Variants in OSBPL9 observed in about 807,000 individuals in gnomAD.
The protein encoded by OSBPL9 is oxysterol binding protein like 9, also known as oxysterol-binding protein-related protein 9.
In OSBPL9, 40 loss-of-function variants were observed where a neutral mutation model predicts 106.6. That is an observed-to-expected ratio of 0.38 (90% confidence interval 0.29 to 0.49). The LOEUF (loss-of-function observed/expected upper bound fraction) is 0.49. Ranked by LOEUF, OSBPL9 falls within the 20% of genes least tolerant of loss-of-function variation. The pLI, the probability that OSBPL9 is intolerant of heterozygous loss-of-function variation, is 0.97. For missense variants in OSBPL9, 609 were observed against 887.2 expected, an observed-to-expected ratio of 0.69 and a Z score of 3.98; for synonymous variants, 269 against 295.4, an observed-to-expected ratio of 0.91 and a Z score of 0.92.
At chr1:51,696,652 C>T (rs1201271282) in intron 3 of OSBPL9, among the ~76,000 whole-genome samples, 1 of 152,134 alleles carries the variant, frequency 6.6e-6, no homozygotes, top group Non-Finnish European at 1.5e-5. Flanking sequence ...CAAGCACATA[C>T]AAAACTGCCA....
intron 1 of OSBPL9, among the ~76,000 whole-genome samples, chr1:51,624,419 C>A (rs1644642152): frequency 6.6e-6 from 1 of 151,828 alleles, no homozygotes; most frequent in Admixed American, 6.6e-5. Flanking sequence ...AAAACCCCGT[C>A]TGTACTAAAA....
chr1:51,787,556 G>A lies in OSBPL9; in HGVS notation c.2136+68G>A. The stretch of plus-strand genomic sequence containing the variant: ...ATTTATTTCAGTGAATGTTGAAGAA[G>A]TGATGTGCCAAACACTGTTTATAAA... On this transcript the variant is annotated intron_variant, in intron 23 of 23. Coordinates refer to ENST00000428468, the MANE Select transcript of OSBPL9 (RefSeq NM_024586.6). The A allele has an allele frequency of 3.7e-6, 6 of 1,608,034 alleles. No individual in the cohort carries two copies. The South Asian group carries it at 4.4e-5, about 12-fold the overall frequency.
At chr1:51,748,478 TTGA>T in intron 7 of OSBPL9, 80 bp downstream of exon 7, 2 of 1,333,156 alleles carry the variant, frequency 1.5e-6, no homozygotes, top group Non-Finnish European at 2.0e-6. Flanking sequence ...GCTGCCACTA[TTGA>T]TGACAGCAAT....
At chr1:51,783,082 T>C (rs1244925005) in intron 17 of OSBPL9, among the ~76,000 whole-genome samples, 1 of 152,228 alleles carries the variant, frequency 6.6e-6, no homozygotes, top group Non-Finnish European at 1.5e-5. Flanking sequence ...CCCTCCTGTA[T>C]ACTTGAGTCA....
At chr1:51,703,493 G>T (rs1393631766) in intron 3 of OSBPL9, among the ~76,000 whole-genome samples, 1 of 152,170 alleles carries the variant, frequency 6.6e-6, no homozygotes, top group Non-Finnish European at 1.5e-5. Context: ...CATTGATTTT[G>T]TATTCTGAGA....
At chr1:51,580,906 AT>A (rs1266868656) in intron 1 of OSBPL9, among the ~76,000 whole-genome samples, 3 of 174 alleles carry the variant, frequency 0.017, no homozygotes, top group African/African-American at 0.094. Context: ...ATATATATAT[AT>A]ATATATATAT....
the OSBPL9 span, among the ~76,000 whole-genome samples, chr1:51,555,947 G>A: frequency 6.6e-6 from 1 of 152,080 alleles, no homozygotes; most frequent in Non-Finnish European, 1.5e-5. Context: ...TACAATGGAA[G>A]GAAAAGATTA....
the OSBPL9 span, among the ~76,000 whole-genome samples, chr1:51,527,774 G>C: frequency 6.6e-6 from 1 of 152,012 alleles, no homozygotes. Flanking sequence ...TGGAGTCATT[G>C]AAAGGTTCCC....
chr1:51,684,913 C>T (rs6690740), intron 3 of OSBPL9, among the ~76,000 whole-genome samples: 27,628 of 122,276 alleles, frequency 0.23, 3,300 homozygotes, highest in African/African-American at 0.4. Context: ...TGCTCTTCTT[C>T]TTTTTTTTTT....
intron 1 of OSBPL9, among the ~76,000 whole-genome samples, chr1:51,649,962 C>A (rs1356536063): frequency 6.6e-6 from 1 of 151,896 alleles, no homozygotes; most frequent in Non-Finnish European, 1.5e-5. Flanking sequence ...GCAGCCTTGA[C>A]CTCCTTGGCT....
intron 3 of OSBPL9, among the ~76,000 whole-genome samples, chr1:51,705,415 T>TA (rs1658319624): frequency 1.8e-5 from 2 of 113,406 alleles, no homozygotes; most frequent in Admixed American, 1.7e-4. Flanking sequence ...TTTTTTTTTT[T>TA]TTTTTTTTTT....
intron 3 of OSBPL9, among the ~76,000 whole-genome samples, chr1:51,693,004 A>G (rs1402525148): frequency 6.6e-6 from 1 of 152,176 alleles, no homozygotes; most frequent in African/African-American, 2.4e-5. Flanking sequence ...ATAGCATCTG[A>G]AAAGGTGACA....
chr1:51,672,027 G>A (rs948170255), intron 3 of OSBPL9, among the ~76,000 whole-genome samples: 1 of 152,198 alleles, frequency 6.6e-6, no homozygotes, highest in Non-Finnish European at 1.5e-5. Flanking sequence ...GAGAGTAATG[G>A]AGAATGAAAT....
chr1:51,568,729 G>A, the OSBPL9 span, among the ~76,000 whole-genome samples: 1 of 151,946 alleles, frequency 6.6e-6, no homozygotes, highest in East Asian at 1.9e-4. Context: ...ACCACACCTG[G>A]CTAATTTTTC....
intron 3 of OSBPL9, among the ~76,000 whole-genome samples, chr1:51,698,850 A>G (rs1053693792): frequency 1.3e-5 from 2 of 152,164 alleles, no homozygotes; most frequent in African/African-American, 2.4e-5. Context: ...TGAATTGTGT[A>G]TATCATTACT....
At chr1:51,543,894 C>T in the OSBPL9 span, among the ~76,000 whole-genome samples, 2 of 152,214 alleles carry the variant, frequency 1.3e-5, no homozygotes, top group Non-Finnish European at 2.9e-5. Flanking sequence ...CATGCCCACT[C>T]ATTATTCTCA....
At chr1:51,661,147 G>A (rs886236385) in intron 2 of OSBPL9, among the ~76,000 whole-genome samples, 1 of 152,188 alleles carries the variant, frequency 6.6e-6, no homozygotes, top group Non-Finnish European at 1.5e-5. Context: ...TGTGGTTGTA[G>A]AGTTATAATG....
chr1:51,743,872 T>G (rs1273239190), intron 4 of OSBPL9, among the ~76,000 whole-genome samples: 1 of 152,220 alleles, frequency 6.6e-6, no homozygotes, highest in Non-Finnish European at 1.5e-5. Flanking sequence ...ATATTTTAAA[T>G]GTCTCTAACA....
At chr1:51,668,074 T>C (rs1648945749) in intron 2 of OSBPL9, among the ~76,000 whole-genome samples, 1 of 152,168 alleles carries the variant, frequency 6.6e-6, no homozygotes, top group South Asian at 2.1e-4. Context: ...TGTAGCCTTT[T>C]TTCATGGGAT....
Sources: gnomAD v4.1 joint callset for allele counts (sites outside exome capture counted in the v4.1 genomes callset) on GRCh38, gnomAD v4.1.1 for gene constraint, MANE v1.5 for transcripts, NCBI Gene and HGNC (gene_info 2026-07-23, HGNC 2026-07-21) for gene names.